Variants in POMZP3 observed in about 807,000 individuals in gnomAD.
POMZP3 encodes POM121 and ZP3 fusion protein.
In POMZP3, 10 loss-of-function variants were observed where a neutral mutation model predicts 19.8. The observed-to-expected ratio is 0.51, with a 90% CI of 0.31 to 0.86. The LOEUF (loss-of-function observed/expected upper bound fraction) is 0.86. POMZP3 is among the 40% of genes least tolerant of loss of function. The pLI is 0.04. For synonymous variants in POMZP3, 57 were observed against 85.8 expected (o/e 0.66, Z 1.85); for missense variants, 152 against 228.1 (o/e 0.67, Z 2.15).
At chr7:76,619,861 A>G (rs998192421) in intron 3 of POMZP3, among the ~76,000 whole-genome samples, 1 of 89,294 alleles carries the variant, frequency 1.1e-5, no homozygotes, top group African/African-American at 4.9e-5. Flanking sequence ...TCTACAAAAA[A>G]TAAAAAAATT....
At chr7:76,622,350 T>G (rs1815611781) in intron 3 of POMZP3, among the ~76,000 whole-genome samples, 2 of 146,626 alleles carry the variant, frequency 1.4e-5, no homozygotes, top group Non-Finnish European at 3.0e-5. Flanking sequence ...AGGGACCCCT[T>G]TCCTGTAACA....
At chr7:76,611,297 T>A (rs776470315) in intron 6 of POMZP3, among the ~76,000 whole-genome samples, 157 bp downstream of exon 6, 3 of 151,750 alleles carry the variant, frequency 2.0e-5, no homozygotes, top group Admixed American at 1.3e-4. Context: ...CCCTCCTGCT[T>A]AACCCCAAGA....
chr7:76,625,872 T>C, intron 2 of POMZP3, 128 bp downstream of exon 2: 1 of 1,431,526 alleles, frequency 7.0e-7, no homozygotes. Flanking sequence ...TAGAATTTGG[T>C]ATTTCTCATT....
At chr7:76,614,679 G>A (rs1398570600) in intron 4 of POMZP3, among the ~76,000 whole-genome samples, 1 of 85,274 alleles carries the variant, frequency 1.2e-5, no homozygotes, top group African/African-American at 6.0e-5. Flanking sequence ...GACCAACATA[G>A]TGAAACCCCA....
chr7:76,625,442 T>C (rs376323283), intron 3 of POMZP3, 80 bp downstream of exon 3: 6 of 1,598,130 alleles, frequency 3.8e-6, no homozygotes, highest in Middle Eastern at 2.1e-4. Flanking sequence ...GTGGCCTCTG[T>C]ATCTTTACGG....
chr7:76,622,504 G>A (rs1475802434), intron 3 of POMZP3, among the ~76,000 whole-genome samples: 5 of 144,638 alleles, frequency 3.5e-5, no homozygotes, highest in East Asian at 2.0e-4. Flanking sequence ...TCAGCCTCCC[G>A]AGTAGCTGGG....
chr7:76,610,522 C>T (rs1026128686), intron 6 of POMZP3, among the ~76,000 whole-genome samples: 4 of 151,842 alleles, frequency 2.6e-5, no homozygotes, highest in African/African-American at 4.8e-5. Context: ...CATGGTGGCA[C>T]ATGCCTGTAG....
chr7:76,617,628 G>T (rs544874539), intron 4 of POMZP3, among the ~76,000 whole-genome samples: 1 of 97,016 alleles, frequency 1.0e-5, no homozygotes, highest in Non-Finnish European at 2.0e-5. Flanking sequence ...CCCTGGCTAC[G>T]AAGTTCACAC....
In POMZP3 at chr7:76,626,723, C is replaced by G. The variant is rs1815919932; in HGVS notation, c.-167G>C. ...CGCATCTCACCGTGGGGAAGGCCTC[C>G]CGGAGGGTCGGAGAAGAGGAGTGGG... On this transcript the variant is annotated 5_prime_UTR_variant, in exon 1 of 7. Coordinates refer to ENST00000310842, the MANE Select transcript of POMZP3 (RefSeq NM_012230.5). 8.7e-6 allele frequency: 12 copies of G among 1,385,634 alleles called. No individual in the cohort carries two copies. The East Asian group carries it at 3.4e-4, about 39-fold the overall frequency. 85.8% of individuals were successfully genotyped at this position (1,385,634 alleles called of 1,614,324 possible). A position where few individuals can be genotyped will look rare whatever the true frequency, so the allele number is the denominator to read the frequency against.
rs1445668404 is a variant in POMZP3, at chr7:76,614,738, A to G, written c.346-2925T>C. Among the ~76,000 whole-genome samples the G allele has an allele frequency of 3.5e-4, 29 of 83,212 alleles. 7 individuals are homozygous for G. The highest frequency in any genetic ancestry group is 3.0e-3 in the Admixed American group (27 of 8,864). 54.6% of individuals were successfully genotyped at this position (83,212 alleles called of 152,430 possible). Reference sequence around the variant, plus strand: ...AGCCAGGCATGGTGATTGAGTGCCTATAATTCCAACTATTAGGGAGGCTGA... The same window carrying G: ...AGCCAGGCATGGTGATTGAGTGCCTGTAATTCCAACTATTAGGGAGGCTGA... On this transcript the variant is annotated intron_variant, in intron 4 of 6. Transcript: ENST00000310842.
In POMZP3 at chr7:76,617,029, G is replaced by A. The variant is rs1341611538; in HGVS notation, c.345+1154C>T. Among the ~76,000 whole-genome samples the A allele has an allele frequency of 1.0e-4, 10 of 95,648 alleles. 3 individuals carry two copies. The highest frequency in any genetic ancestry group is 4.3e-4 in the African/African-American group (10 of 23,428). 62.7% of individuals were successfully genotyped at this position (95,648 alleles called of 152,430 possible). ...AAAAAAATTAGCCAGGCATGGTGGC[G>A]GGTACCTGTACTCCCAGCTACTTGG... On this transcript the variant is annotated intron_variant, in intron 4 of 6. Transcript: ENST00000310842.
chr7:76,621,808 C>T (rs982810252), intron 3 of POMZP3, among the ~76,000 whole-genome samples: 6 of 151,268 alleles, frequency 4.0e-5, no homozygotes, highest in Non-Finnish European at 5.9e-5. Flanking sequence ...GATATGGTGG[C>T]GGGCACCTGC....
In POMZP3 at chr7:76,611,911, A is replaced by T. The variant is rs1815127451; in HGVS notation, c.346-98T>A. The T allele has an allele frequency of 1.0e-5, 16 of 1,540,196 alleles. 1 individual carries two copies. The highest frequency in any genetic ancestry group is 6.9e-5 in the East Asian group (3 of 43,600). On this transcript the variant is annotated intron_variant, in intron 4 of 6. Coordinates refer to ENST00000310842, the MANE Select transcript of POMZP3 (RefSeq NM_012230.5). Reference sequence around the variant, plus strand: ...ATAACCCTCAACCCTTTAAAGAGTGAGAAGGGGCCGGGTGCGATGGCACAC... The same window carrying T: ...ATAACCCTCAACCCTTTAAAGAGTGTGAAGGGGCCGGGTGCGATGGCACAC...
In POMZP3 at chr7:76,627,266, C is replaced by A; in HGVS notation, c.-710G>T. The A allele has an allele frequency of 7.4e-7, 1 of 1,354,446 alleles. No homozygotes were observed. The highest frequency in any genetic ancestry group is 9.5e-7 in the Non-Finnish European group (1 of 1,048,908). The allele number at this position is 1,354,446 out of a possible 1,614,324, so 83.9% of individuals were successfully genotyped here. A position where few individuals can be genotyped will look rare whatever the true frequency, so the allele number is the denominator to read the frequency against. On this transcript the variant is annotated 5_prime_UTR_variant, in exon 1 of 7. Transcript: ENST00000310842. ...CGCCGGAGACATCGCGGCTCCGCGC[C>A]GCGGAGGAGACTTAAATATCCCAGC...
Position 76,627,230 on chromosome 7 carries a change from G to A in POMZP3, c.-674C>T, listed in dbSNP as rs1174923456. The A allele has an allele frequency of 3.6e-6, 5 of 1,404,898 alleles. No homozygotes were observed. Among genetic ancestry groups the A allele is most frequent in the Middle Eastern group, 2.5e-4 (1 of 4,010 alleles). 87.0% of individuals were successfully genotyped at this position (1,404,898 alleles called of 1,614,324 possible). On this transcript the variant is annotated 5_prime_UTR_variant, in exon 1 of 7. Transcript: ENST00000310842. ...CGGCCGCCGCCGCTCGCCTGCTCCA[G>A]CCGCCGCAGCCGCCGGAGACATCGC...
intron 3 of POMZP3, among the ~76,000 whole-genome samples, chr7:76,622,334 C>G (rs1330812051): frequency 6.8e-6 from 1 of 148,046 alleles, no homozygotes; most frequent in East Asian, 2.0e-4. Flanking sequence ...CACTTGGGGT[C>G]TGGGTAGGGA....
At chr7:76,613,462 C>A (rs189789721) in intron 4 of POMZP3, among the ~76,000 whole-genome samples, 24 of 127,892 alleles carry the variant, frequency 1.9e-4, no homozygotes, top group East Asian at 4.7e-4. Context: ...GGACCCCCCC[C>A]ACCCAGGGAA....
chr7:76,625,132 C>G (rs1473109022), intron 3 of POMZP3, among the ~76,000 whole-genome samples: 2 of 54,388 alleles, frequency 3.7e-5, no homozygotes, highest in Non-Finnish European at 7.1e-5. Context: ...GACTCCAACT[C>G]AAAAAAAAAA....
intron 3 of POMZP3, among the ~76,000 whole-genome samples, chr7:76,622,109 G>GTT (rs1815596658): frequency 6.8e-6 from 1 of 146,024 alleles, no homozygotes; most frequent in African/African-American, 2.5e-5. Flanking sequence ...ACGTCAGGAA[G>GTT]TTACCCTATG....
Sources: gnomAD v4.1 joint callset for allele counts (sites outside exome capture counted in the v4.1 genomes callset) on GRCh38, gnomAD v4.1.1 for gene constraint, MANE v1.5 for transcripts, NCBI Gene and HGNC (gene_info 2026-07-23, HGNC 2026-07-21) for gene names.